The following TMEM201 variants were observed in gnomAD, a reference collection of about 807,000 sequenced individuals.
TMEM201 encodes RP13-15M17.2.
TMEM201 carries 26 observed loss-of-function variants against 63.4 expected under a neutral mutation model. The observed-to-expected ratio is 0.41, with a 90% CI of 0.30 to 0.57. The LOEUF (loss-of-function observed/expected upper bound fraction) is 0.57, where lower values mean the gene tolerates loss of function less well. TMEM201 is among the 20% of genes least tolerant of loss of function. The pLI, the probability that TMEM201 is intolerant of heterozygous loss-of-function variation, is 0.29. For missense variants in TMEM201, 794 were observed against 917.7 expected (o/e 0.87, Z 1.74); for synonymous variants, 417 against 421.6 (o/e 0.99, Z 0.14).
chr1:9,590,814 A>G (rs1448189612), intron 1 of TMEM201, among the ~76,000 whole-genome samples: 1 of 152,226 alleles, frequency 6.6e-6, no homozygotes, highest in Non-Finnish European at 1.5e-5. Context: ...GTCACGATTC[A>G]GAAGCCAGAC....
intron 1 of TMEM201, among the ~76,000 whole-genome samples, chr1:9,594,033 G>A (rs1161042506): frequency 1.3e-5 from 2 of 152,228 alleles, no homozygotes; most frequent in South Asian, 2.1e-4. Context: ...TCATGTAGTC[G>A]GCGCCCGGTG....
chr1:9,610,656 A>G lies in TMEM201; in HGVS notation c.1616A>G (p.Lys539Arg), dbSNP rs1644310601. Residue 539 changes from lysine to arginine, a missense_variant, in exon 9 of 11, where the codon AAG becomes AGG. Lys to Arg is a conservative substitution (Grantham distance 26). Transcript: ENST00000340381. This position sits in a 1 kb window ranked among gnomAD's most constrained non-coding sequence, Gnocchi z 4.9. ...GCCCGGCTCAACCTGAAGGGACAGA[A>G]GCTGCTGCTGTTCCCGTCACCCCCT... Reference protein sequence around the residue: ...SPARLNLKGQKLLLFPSPPGE... With the variant: ...SPARLNLKGQRLLLFPSPPGE... 2.6e-6 allele frequency: 4 copies of G among 1,550,608 alleles called. No homozygotes were observed. The East Asian group carries it at 9.8e-5, about 38-fold the overall frequency.
intron 6 of TMEM201, chr1:9,606,499 G>A (rs1049533360): frequency 4.6e-5 from 7 of 152,212 alleles, no homozygotes; most frequent in Non-Finnish European, 8.8e-5. Context: ...GGTGGCGCGC[G>A]GCTTGGCTAG....
rs962718610 is a variant in TMEM201 at position 9,607,442 on chromosome 1, C to T, written c.1161-115C>T. The T allele has an allele frequency of 3.0e-5, 23 of 756,812 alleles. No homozygotes were observed. The highest frequency in any genetic ancestry group is 4.4e-5 in the Non-Finnish European group (21 of 477,690). 46.9% of individuals were successfully genotyped at this position (756,812 alleles called of 1,614,324 possible). A position where few individuals can be genotyped will look rare whatever the true frequency, so the allele number is the denominator to read the frequency against. On this transcript the variant is annotated intron_variant, in intron 6 of 10. Transcript: ENST00000340381. The surrounding 1 kb of genome is among the most constrained non-coding windows in gnomAD (Gnocchi z 5.4). The stretch of plus-strand genomic sequence containing the variant: ...TAACTAACGCACGCCTCCTCTGGGA[C>T]CCCAGCTGAGGCCCCCACCTTGCAC...
chr1:9,602,160 A>T lies in TMEM201; in HGVS notation c.1048A>T (p.Ser350Cys). 1 of 1,613,208 alleles carries T rather than the reference A, an allele frequency of 6.2e-7. No individual in the cohort carries two copies. Among genetic ancestry groups the T allele is most frequent in the Non-Finnish European group, 8.5e-7 (1 of 1,180,012 alleles). The change falls in exon 6 of 11, where the codon AGC (serine) becomes TGC (cysteine). Residue 350 changes from serine (S) to cysteine (C), a missense_variant. Physicochemically the swap from Ser to Cys is moderately radical, Grantham distance 112 (BLOSUM62 -1). Transcript: ENST00000340381. ...GCAGCACCTGCAGGCCGCCTCGCCT[A>T]GCTGGCTAGACACGCTCAAGTTCAG... ...AEQHLQAASP[S>C]WLDTLKFSTT... is the part of the protein sequence containing the mutation.
intron 3 of TMEM201, 61 bp downstream of exon 3, chr1:9,597,114 G>C: frequency 6.5e-7 from 1 of 1,537,754 alleles, no homozygotes; most frequent in Non-Finnish European, 8.8e-7. Context: ...AGAGCAGCCG[G>C]GGGACAGGCA....
intron 4 of TMEM201, among the ~76,000 whole-genome samples, chr1:9,599,279 A>C (rs1162032854): frequency 1.4e-5 from 2 of 145,550 alleles, no homozygotes; most frequent in Non-Finnish European, 3.0e-5. Context: ...AGACAGTTTC[A>C]CACTGTCGCC....
At chr1:9,596,752 G>T in intron 2 of TMEM201, 107 bp from the exon 3 acceptor site, 1 of 1,125,918 alleles carries the variant, frequency 8.9e-7, no homozygotes, top group South Asian at 1.6e-5. Context: ...GGAGATGTTT[G>T]AGATCTACCA....
chr1:9,602,630 C>T, intron 6 of TMEM201: 2 of 1,195,808 alleles, frequency 1.7e-6, no homozygotes, highest in Non-Finnish European at 2.1e-6. Flanking sequence ...ACCCCCCTCT[C>T]ACCACGCCGT....
Position 9,588,917 on chromosome 1 carries a change from C to T in TMEM201, c.-14C>T. ...ACCCCCCTGCCGGCCTGCCGTCCTT[C>T]CACGCGGAGAGCCATGGAGGGAGTG... On this transcript the variant is annotated 5_prime_UTR_variant, in exon 1 of 11. Transcript: ENST00000340381. The T allele has an allele frequency of 7.9e-7, 1 of 1,260,700 alleles. No individual in the cohort carries two copies. Among genetic ancestry groups the T allele is most frequent in the Non-Finnish European group, 1.0e-6 (1 of 981,946 alleles). The allele number at this position is 1,260,700 out of a possible 1,614,324, so 78.1% of individuals were successfully genotyped here. A position where few individuals can be genotyped will look rare whatever the true frequency, so the allele number is the denominator to read the frequency against.
Position 9,610,585 on chromosome 1 carries a change from C to T in TMEM201, c.1545C>T (p.Ala515=). Residue 515 remains alanine, a synonymous_variant, in exon 9 of 11, where the codon GCC becomes GCT. Transcript: ENST00000340381. This position sits in a 1 kb window ranked among gnomAD's most constrained non-coding sequence, Gnocchi z 4.9. ...SPAPSVAGSV[A]SSSGSLRHRR... is the part of the protein sequence containing the mutation. ...CGCCTTCCGTGGCCGGCTCGGTGGCCTCCAGCTCCGGCTCTCTGCGCCACC... is the reference window on the plus strand; with the variant it reads ...CGCCTTCCGTGGCCGGCTCGGTGGCTTCCAGCTCCGGCTCTCTGCGCCACC... 2 of 1,550,462 alleles carry T rather than the reference C, an allele frequency of 1.3e-6. No individual in the cohort carries two copies. The highest frequency in any genetic ancestry group is 1.2e-5 in the South Asian group (1 of 84,048).
At position 9,607,826 on chromosome 1, in the gene TMEM201, T is replaced by G; in HGVS notation, c.1393+37T>G. On this transcript the variant is annotated intron_variant, in intron 7 of 10. Transcript: ENST00000340381. The surrounding 1 kb of genome is among the most constrained non-coding windows in gnomAD (Gnocchi z 5.4). ...CCAGGCATTGGCAGACAGTCAGGGC[T>G]AGGGGCAGCTGGGACAGAACTGTGG... 1 of 1,536,894 alleles carries G rather than the reference T, an allele frequency of 6.5e-7. No homozygotes were observed. The highest frequency in any genetic ancestry group is 2.5e-5 in the East Asian group (1 of 40,806).
chr1:9,600,403 G>A (rs562810979), intron 4 of TMEM201, among the ~76,000 whole-genome samples: 3 of 152,290 alleles, frequency 2.0e-5, no homozygotes, highest in South Asian at 4.1e-4. Flanking sequence ...CAGGGCTTAG[G>A]AGTGCACCAC....
chr1:9,610,613 AG>A lies in TMEM201; in HGVS notation c.1575del (p.Arg525SerfsTer11). 6.5e-7 allele frequency: 1 copy of A among 1,550,368 alleles called. No homozygotes were observed. Among genetic ancestry groups the A allele is most frequent in the Non-Finnish European group, 8.7e-7 (1 of 1,146,864 alleles). On this transcript the variant is annotated frameshift_variant, in exon 9 of 11. Coordinates refer to ENST00000340381, the MANE Select transcript of TMEM201 (RefSeq NM_001130924.3). LOFTEE classifies it high-confidence loss of function. The surrounding 1 kb of genome is among the most constrained non-coding windows in gnomAD (Gnocchi z 4.9). Reference protein sequence around the residue: ...ASSSGSLRHRRPLISPARLNL... With the variant: ...ASSSGSLRHRXPLISPARLNL... ...CAGCTCCGGCTCTCTGCGCCACCGC[AG>A]GCCCCTCATCAGCCCTGCCCGGCTC...
chr1:9,592,901 C>T (rs1643945458), intron 1 of TMEM201, among the ~76,000 whole-genome samples: 2 of 152,230 alleles, frequency 1.3e-5, no homozygotes, highest in Admixed American at 1.3e-4. Context: ...CTGCTGTCCC[C>T]CCAGAGCTGG....
At chr1:9,599,890 G>T (rs1167765985) in intron 4 of TMEM201, among the ~76,000 whole-genome samples, 1 of 152,156 alleles carries the variant, frequency 6.6e-6, no homozygotes, top group African/African-American at 2.4e-5. Flanking sequence ...GAGCCACTGC[G>T]CCCGGCCCCT....
Position 9,613,615 on chromosome 1 carries a change from TG to T in TMEM201, c.*535del, listed in dbSNP as rs1249162215. 6.5e-6 allele frequency: 1 copy of T among 153,282 alleles called. No homozygotes were observed. Among genetic ancestry groups the T allele is most frequent in the African/African-American group, 2.4e-5 (1 of 41,366 alleles). 9.5% of individuals were successfully genotyped at this position (153,282 alleles called of 1,614,324 possible). A position where few individuals can be genotyped will look rare whatever the true frequency, so the allele number is the denominator to read the frequency against. ...CCCTATCTTGCCCCTTCCTGTGGAG[TG>T]GGCAGAAGGGCTCCCGGGATCCTCA... On this transcript the variant is annotated 3_prime_UTR_variant, in exon 11 of 11. Transcript: ENST00000340381.
At chr1:9,595,581 G>A (rs565918716) in intron 1 of TMEM201, among the ~76,000 whole-genome samples, 16 of 152,180 alleles carry the variant, frequency 1.1e-4, no homozygotes, top group South Asian at 8.3e-4. Context: ...CCGTGCGGCC[G>A]CACTGGAGCC....
chr1:9,597,567 C>T (rs997250467), intron 3 of TMEM201, among the ~76,000 whole-genome samples: 1 of 152,186 alleles, frequency 6.6e-6, no homozygotes, highest in Non-Finnish European at 1.5e-5. Context: ...CTGGGCTGAG[C>T]TGGGAGCCTC....
Sources: allele counts gnomAD v4.1 joint callset (sites outside exome capture counted in the v4.1 genomes callset), GRCh38; gene constraint gnomAD v4.1.1; non-coding constraint Gnocchi (gnomAD v3.1); transcripts MANE v1.5; gene names NCBI Gene and HGNC (gene_info 2026-07-23, HGNC 2026-07-21).